Variants in CDYL observed in about 807,000 individuals in gnomAD.
CDYL encodes the protein chromodomain Y like, also known as chromodomain Y-like protein.
A neutral mutation model predicts 47.3 loss-of-function variants in CDYL; 8 were observed. That is an observed-to-expected ratio of 0.17 (90% CI 0.10 to 0.31). The LOEUF (loss-of-function observed/expected upper bound fraction) is 0.31. CDYL is among the 10% of genes least tolerant of loss of function. CDYL has a pLI of 1.00. For missense variants in CDYL, 471 were observed against 701.4 expected (o/e 0.67, Z 3.71); for synonymous variants, 266 against 265.0 (o/e 1.00, Z -0.04).
At chr6:4,897,551 C>T (rs1441384000) in intron 2 of CDYL, among the ~76,000 whole-genome samples, 1 of 152,138 alleles carries the variant, frequency 6.6e-6, no homozygotes, top group Non-Finnish European at 1.5e-5. Flanking sequence ...TAGGAAGAAG[C>T]CCCAGGGCTT....
At chr6:4,743,532 T>G (rs1162183446) in intron 3 of CDYL, among the ~76,000 whole-genome samples, 6 of 152,218 alleles carry the variant, frequency 3.9e-5, no homozygotes. Context: ...ACATCTTCAG[T>G]TTGCATGTTG....
rs112404301 is a variant in CDYL, at chr6:4,869,594, T to C, written c.25-22119T>C. On this transcript the variant is annotated intron_variant, in intron 1 of 6. Transcript: ENST00000397588. The stretch of plus-strand genomic sequence containing the variant: ...GGCCTGTACCATATTCTCTGAATTT[T>C]AAAACTTAATATTTGAATTATTTTC... Among the ~76,000 whole-genome samples the C allele has an allele frequency of 5.1e-3, 780 of 152,322 alleles. 8 individuals carry two copies. Among genetic ancestry groups the C allele is most frequent in the African/African-American group, 0.018 (747 of 41,560 alleles).
At chr6:4,824,636 T>C (rs1381245007) in intron 1 of CDYL, among the ~76,000 whole-genome samples, 4 of 152,196 alleles carry the variant, frequency 2.6e-5, no homozygotes, top group African/African-American at 9.6e-5. Context: ...CCTTACCAGA[T>C]ATGATTTGCA....
intron 1 of CDYL, among the ~76,000 whole-genome samples, chr6:4,803,733 A>AT (rs754188736): frequency 0.056 from 6,696 of 119,938 alleles, 190 homozygotes; most frequent in Non-Finnish European, 0.076. Flanking sequence ...CACTTTCCTG[A>AT]TTTTTTTTTT....
chr6:4,901,858 C>T (rs1190520897), intron 2 of CDYL, among the ~76,000 whole-genome samples: 1 of 152,122 alleles, frequency 6.6e-6, no homozygotes, highest in Non-Finnish European at 1.5e-5. Context: ...CTGAAGTTAC[C>T]ATCATTCTCA....
upstream of CDYL, chr6:4,773,286 C>A: frequency 2.2e-6 from 1 of 448,678 alleles, no homozygotes; most frequent in Middle Eastern, 3.3e-4. The surrounding 1 kb of genome is among the most constrained non-coding windows in gnomAD (Gnocchi z 4.6). Context: ...CTTACTAGTG[C>A]ATGGTATTGT....
At chr6:4,811,018 A>G (rs560375258) in intron 1 of CDYL, among the ~76,000 whole-genome samples, 31 of 152,330 alleles carry the variant, frequency 2.0e-4, no homozygotes, top group African/African-American at 7.2e-4. Flanking sequence ...GAGCTTGTCA[A>G]TGCATATCAT....
At chr6:4,830,849 C>T (rs781749833) in intron 1 of CDYL, among the ~76,000 whole-genome samples, 59 of 148,106 alleles carry the variant, frequency 4.0e-4, no homozygotes, top group Admixed American at 7.6e-4. Context: ...TGAGAATATG[C>T]GGTGTTTGGT....
At chr6:4,782,786 T>C (rs1170092122) in intron 1 of CDYL, among the ~76,000 whole-genome samples, 1 of 152,212 alleles carries the variant, frequency 6.6e-6, no homozygotes, top group African/African-American at 2.4e-5. Context: ...CTAAGACTTA[T>C]CTGTGGCTGC....
chr6:4,893,910 G>A (rs1250247879), intron 2 of CDYL, among the ~76,000 whole-genome samples: 1 of 152,258 alleles, frequency 6.6e-6, no homozygotes, highest in African/African-American at 2.4e-5. Context: ...TAGCAAAAAA[G>A]TGGAATATGA....
intron 3 of CDYL, among the ~76,000 whole-genome samples, chr6:4,735,136 A>C (rs984295001): frequency 6.6e-6 from 1 of 151,830 alleles, no homozygotes; most frequent in African/African-American, 2.4e-5. Context: ...AAAATACAAA[A>C]TTTGCTGGGC....
At chr6:4,915,301 G>C (rs1757525200) in intron 2 of CDYL, among the ~76,000 whole-genome samples, 1 of 152,142 alleles carries the variant, frequency 6.6e-6, no homozygotes, top group Admixed American at 6.5e-5. Context: ...CTGCTCTCTA[G>C]CCAGTGAACA....
At chr6:4,758,368 A>ATATATATATATATATC (rs1400799578) in intron 3 of CDYL, among the ~76,000 whole-genome samples, 1 of 144,502 alleles carries the variant, frequency 6.9e-6, no homozygotes, top group African/African-American at 2.6e-5. Context: ...ATATATATAT[A>ATATATATATATATATC]TATCTCTTTG....
At chr6:4,846,944 A>C (rs960344935) in intron 1 of CDYL, among the ~76,000 whole-genome samples, 3 of 152,130 alleles carry the variant, frequency 2.0e-5, no homozygotes, top group South Asian at 2.1e-4. Flanking sequence ...TTGGTCAGCA[A>C]AGTAGCCCCC....
intron 1 of CDYL, among the ~76,000 whole-genome samples, chr6:4,780,005 G>A (rs1459745396): frequency 6.6e-6 from 1 of 152,030 alleles, no homozygotes; most frequent in Non-Finnish European, 1.5e-5. Context: ...TAACTTGTAG[G>A]TTCCACAAAA....
chr6:4,894,565 A>G (rs1241245440), intron 2 of CDYL, among the ~76,000 whole-genome samples: 1 of 152,206 alleles, frequency 6.6e-6, no homozygotes, highest in Non-Finnish European at 1.5e-5. Flanking sequence ...ATCCATTACT[A>G]TGAATGAATG....
At chr6:4,937,773 G>T in intron 4 of CDYL, 36 bp downstream of exon 4, 3 of 1,564,828 alleles carry the variant, frequency 1.9e-6, no homozygotes, top group South Asian at 1.2e-5. Flanking sequence ...CATTGGTTGG[G>T]TGTTTTGTTT....
chr6:4,876,160 G>A (rs572541042), intron 1 of CDYL, among the ~76,000 whole-genome samples: 18 of 152,208 alleles, frequency 1.2e-4, no homozygotes, highest in Admixed American at 3.9e-4. Context: ...TTATACAGTA[G>A]TTTTTGTTCT....
chr6:4,925,546 G>C (rs190195436), intron 2 of CDYL, among the ~76,000 whole-genome samples: 1 of 151,248 alleles, frequency 6.6e-6, no homozygotes, highest in East Asian at 2.0e-4. Flanking sequence ...CTCCCGAGTA[G>C]CTGGGACTAC....
Sources: gnomAD v4.1 joint callset for allele counts (sites outside exome capture counted in the v4.1 genomes callset) on GRCh38, gnomAD v4.1.1 for gene constraint, Gnocchi (gnomAD v3.1) non-coding constraint, MANE v1.5 for transcripts, NCBI Gene and HGNC (gene_info 2026-07-23, HGNC 2026-07-21) for gene names.